ADAM10: variants seen among roughly 807,000 people sequenced by gnomAD.
ADAM10 encodes the protein ADAM metallopeptidase domain 10, also known as disintegrin and metalloproteinase domain-containing protein 10.
Under a neutral mutation model 90.1 loss-of-function variants are expected in ADAM10, and 17 were observed. That is an observed-to-expected ratio of 0.19 (90% CI 0.13 to 0.28). The LOEUF is 0.28. ADAM10 is among the 10% of genes least tolerant of loss of function. The pLI is 1.00. For missense variants in ADAM10, 610 were observed against 914.3 expected (o/e 0.67, Z 4.29); for synonymous variants, 310 against 298.6 (o/e 1.04, Z -0.40).
intron 2 of ADAM10, among the ~76,000 whole-genome samples, chr15:58,688,209 T>C (rs1040853767): frequency 5.9e-5 from 9 of 152,102 alleles, no homozygotes; most frequent in Non-Finnish European, 1.2e-4. Flanking sequence ...ACTCTACAAT[T>C]ATTTTTAAAT....
intron 11 of ADAM10, among the ~76,000 whole-genome samples, chr15:58,616,105 C>T (rs1487371635): frequency 6.6e-6 from 1 of 152,026 alleles, no homozygotes; most frequent in Non-Finnish European, 1.5e-5. Context: ...CTATATGCAC[C>T]GAACACCAGA....
At chr15:58,630,658 A>G (rs1195691200) in intron 9 of ADAM10, among the ~76,000 whole-genome samples, 2 of 152,220 alleles carry the variant, frequency 1.3e-5, no homozygotes, top group Non-Finnish European at 2.9e-5. Flanking sequence ...TGCACAATAA[A>G]TATTTCAGAT....
chr15:58,701,669 A>G (rs183647617), intron 2 of ADAM10, among the ~76,000 whole-genome samples: 209 of 152,354 alleles, frequency 1.4e-3, no homozygotes, highest in African/African-American at 4.8e-3. Flanking sequence ...CAGTATGTCA[A>G]CAGGATACCT....
Position 58,739,208 on chromosome 15 carries a change from T to C in ADAM10, c.55+10272A>G, listed in dbSNP as rs144311861. Among the ~76,000 whole-genome samples the C allele has an allele frequency of 9.5e-3, 1,452 of 152,282 alleles. 20 individuals carry two copies. Among genetic ancestry groups the C allele is most frequent in the African/African-American group, 0.033 (1,378 of 41,550 alleles). ...TTTTATGGGCTACCAAGAAAATTTA[T>C]AAATTCTTAAATTTTGGGCCGGGCG... On this transcript the variant is annotated intron_variant, in intron 1 of 15. Transcript: ENST00000260408.
intron 12 of ADAM10, chr15:58,611,356 C>A: frequency 2.1e-6 from 1 of 480,792 alleles, no homozygotes; most frequent in Non-Finnish European, 3.7e-6. Flanking sequence ...GAAATAAAAG[C>A]AGAGCAAGAG....
intron 1 of ADAM10, among the ~76,000 whole-genome samples, chr15:58,721,095 G>A (rs769334589): frequency 6.6e-6 from 1 of 152,206 alleles, no homozygotes; most frequent in Admixed American, 6.5e-5. Flanking sequence ...AACTATTGCT[G>A]TTCTGAAGCA....
chr15:58,685,606 T>C (rs1407539186), intron 2 of ADAM10, among the ~76,000 whole-genome samples: 1 of 139,434 alleles, frequency 7.2e-6, no homozygotes, highest in African/African-American at 2.6e-5. Flanking sequence ...ATCTCCACAT[T>C]TCTGTGTAGA....
intron 14 of ADAM10, among the ~76,000 whole-genome samples, chr15:58,607,849 G>A (rs1256674926): frequency 6.6e-6 from 1 of 152,110 alleles, no homozygotes; most frequent in African/African-American, 2.4e-5. Flanking sequence ...TAACATGAAA[G>A]ATACAGAAAA....
chr15:58,691,537 G>A (rs1223591987), intron 2 of ADAM10: 2 of 551,002 alleles, frequency 3.6e-6, no homozygotes, highest in Admixed American at 4.3e-5. Flanking sequence ...GACCACAGCA[G>A]TTCAGACAGG....
At chr15:58,685,918 A>G (rs1326859085) in intron 2 of ADAM10, among the ~76,000 whole-genome samples, 1 of 152,190 alleles carries the variant, frequency 6.6e-6, no homozygotes, top group Non-Finnish European at 1.5e-5. Flanking sequence ...GAAATAAACA[A>G]AAAGTTTTGT....
intron 8 of ADAM10, among the ~76,000 whole-genome samples, chr15:58,637,709 T>C (rs533604688): frequency 2.6e-5 from 4 of 152,128 alleles, no homozygotes; most frequent in South Asian, 2.1e-4. Flanking sequence ...TGTGTGTAGA[T>C]TGTATTTATA....
chr15:58,620,453 T>C (rs1268795415), intron 11 of ADAM10, among the ~76,000 whole-genome samples: 1 of 151,094 alleles, frequency 6.6e-6, no homozygotes, highest in African/African-American at 2.4e-5. Context: ...GGTGACAGGT[T>C]TTTCTGAGAC....
At chr15:58,664,005 A>G (rs774772436) in intron 5 of ADAM10, among the ~76,000 whole-genome samples, 3 of 152,088 alleles carry the variant, frequency 2.0e-5, no homozygotes, top group Non-Finnish European at 2.9e-5. Flanking sequence ...TCTCAACTGA[A>G]TAACTACAAC....
chr15:58,621,371 T>C, intron 11 of ADAM10, 100 bp downstream of exon 11: 1 of 1,462,666 alleles, frequency 6.8e-7, no homozygotes, highest in Non-Finnish European at 9.5e-7. Context: ...AAGCAAAGTT[T>C]CAAAACCATA....
At chr15:58,619,680 G>C (rs1270550064) in intron 11 of ADAM10, among the ~76,000 whole-genome samples, 1 of 151,926 alleles carries the variant, frequency 6.6e-6, no homozygotes, top group African/African-American at 2.4e-5. Flanking sequence ...CAAGGCGGGA[G>C]GATCAGGAGG....
At chr15:58,704,765 A>G (rs1898231970) in intron 2 of ADAM10, among the ~76,000 whole-genome samples, 1 of 152,212 alleles carries the variant, frequency 6.6e-6, no homozygotes, top group South Asian at 2.1e-4. Flanking sequence ...ATATTACTGC[A>G]TCTTACCCTC....
At chr15:58,624,098 A>G (rs1307776153) in intron 10 of ADAM10, among the ~76,000 whole-genome samples, 1 of 152,134 alleles carries the variant, frequency 6.6e-6, no homozygotes, top group African/African-American at 2.4e-5. Context: ...ATCCTGGCCA[A>G]CATGGTAAAA....
chr15:58,722,994 A>T (rs1273058581), intron 1 of ADAM10, among the ~76,000 whole-genome samples: 1 of 151,926 alleles, frequency 6.6e-6, no homozygotes, highest in African/African-American at 2.4e-5. Flanking sequence ...AGCCTCCCAA[A>T]GTGCTGGGAT....
In ADAM10 at chr15:58,594,364, T is replaced by C. The variant is rs1894896584; in HGVS notation, c.*3183A>G. On this transcript the variant is annotated 3_prime_UTR_variant, in exon 16 of 16. Coordinates refer to ENST00000260408, the MANE Select transcript of ADAM10 (RefSeq NM_001110.4). ...TTGCCAAGGACACCAATCCCATCTTTAAGAAATAATAATAATTAGGTCTTA... is the reference window on the plus strand; with the variant it reads ...TTGCCAAGGACACCAATCCCATCTTCAAGAAATAATAATAATTAGGTCTTA... The C allele has an allele frequency of 6.6e-6, 1 of 152,208 alleles. No individual in the cohort carries two copies. Among genetic ancestry groups the C allele is most frequent in the Non-Finnish European group, 1.5e-5 (1 of 68,036 alleles). 9.4% of individuals were successfully genotyped at this position (152,208 alleles called of 1,614,324 possible). A position where few individuals can be genotyped will look rare whatever the true frequency, so the allele number is the denominator to read the frequency against.
Sources: allele counts gnomAD v4.1 joint callset (sites outside exome capture counted in the v4.1 genomes callset), GRCh38; gene constraint gnomAD v4.1.1; transcripts MANE v1.5; gene names NCBI Gene and HGNC (gene_info 2026-07-23, HGNC 2026-07-21).